Variants in NAV2 observed in about 807,000 individuals in gnomAD.
The protein encoded by NAV2 is neuron navigator 2, also known as helicase, APC down-regulated 1.
A neutral mutation model predicts 223.2 loss-of-function variants in NAV2; 54 were observed. The observed-to-expected ratio is 0.24, with a 90% CI of 0.19 to 0.30. NAV2 has a LOEUF of 0.30. Among genes scored for constraint, NAV2 ranks in the 10% least tolerant of loss-of-function variants. The pLI is 1.00. For missense variants in NAV2, 2,806 were observed against 3,147.5 expected (o/e 0.89, Z 2.60); for synonymous variants, 1,279 against 1,239.3 (o/e 1.03, Z -0.67).
At chr11:19,836,496 G>T (rs2060243964) in intron 2 of NAV2, among the ~76,000 whole-genome samples, 1 of 150,592 alleles carries the variant, frequency 6.6e-6, no homozygotes, top group Non-Finnish European at 1.5e-5. Flanking sequence ...AGCGGAGCTT[G>T]CAGTGAGCCG....
rs1244742949 is a variant in NAV2, at chr11:19,978,821, A to G, written c.2646-5304A>G. 4 of 152,170 alleles carry G rather than the reference A, an allele frequency of 2.6e-5. No homozygotes were observed. The East Asian group carries it at 7.7e-4, about 29-fold the overall frequency. The allele number at this position is 152,170 out of a possible 1,614,324, so 9.4% of individuals were successfully genotyped here. On this transcript the variant is annotated intron_variant, in intron 10 of 37. Transcript: ENST00000349880. ...TCAGTTTGTATTACTTATGCAGGCC[A>G]TGTTGAACTGTGAACTTTGGAAATG... is the stretch of plus-strand genomic sequence containing the variant.
chr11:19,880,756 C>T (rs1488958651), intron 5 of NAV2, among the ~76,000 whole-genome samples: 3 of 152,132 alleles, frequency 2.0e-5, no homozygotes, highest in Admixed American at 6.5e-5. Context: ...GCCAGTCATA[C>T]TCACCAGGTA....
chr11:19,952,095 G>A (rs965287942), intron 10 of NAV2, among the ~76,000 whole-genome samples: 1 of 152,196 alleles, frequency 6.6e-6, no homozygotes, highest in Non-Finnish European at 1.5e-5. Context: ...GTGTTTACAC[G>A]CAGAGTTCAG....
intron 1 of NAV2, among the ~76,000 whole-genome samples, chr11:19,602,512 T>C (rs1474681060): frequency 6.6e-6 from 1 of 152,142 alleles, no homozygotes; most frequent in Non-Finnish European, 1.5e-5. Context: ...GTATATTAGT[T>C]TCCTGGGGCT....
chr11:19,576,025 G>C (rs1163733279), intron 1 of NAV2, among the ~76,000 whole-genome samples: 1 of 152,164 alleles, frequency 6.6e-6, no homozygotes, highest in African/African-American at 2.4e-5. Flanking sequence ...GGAATCTGAG[G>C]CTCAAAGGAG....
intron 5 of NAV2, 51 bp from the exon 6 acceptor site, chr11:19,892,383 C>G: frequency 6.4e-7 from 1 of 1,571,840 alleles, no homozygotes; most frequent in Non-Finnish European, 8.7e-7. Context: ...TTCCTACACA[C>G]TGTTATTCTT....
intron 11 of NAV2, among the ~76,000 whole-genome samples, chr11:19,989,653 G>A (rs914243806): frequency 2.0e-5 from 3 of 152,104 alleles, no homozygotes; most frequent in African/African-American, 7.2e-5. Flanking sequence ...TTTCCTGATG[G>A]GTTGCTCTAT....
rs1555177101 is a variant in NAV2, at chr11:19,978,131, GT to G, written c.2646-5985del. Among the ~76,000 whole-genome samples the G allele has an allele frequency of 4.6e-3, 694 of 150,538 alleles. 2 individuals carry two copies. The highest frequency in any genetic ancestry group is 0.016 in the African/African-American group (646 of 41,076). ...TGAGCCACCACACCCAGCAAGGTCA[GT>G]TTTTTTTTCAAAAGGATGCAGGCAG... On this transcript the variant is annotated intron_variant, in intron 10 of 37. Coordinates refer to ENST00000349880, the MANE Select transcript of NAV2 (RefSeq NM_145117.5).
At chr11:20,058,232 G>A (rs772019854) in intron 19 of NAV2, among the ~76,000 whole-genome samples, 8 of 152,292 alleles carry the variant, frequency 5.3e-5, no homozygotes, top group Admixed American at 2.6e-4. Context: ...GTAATAATCA[G>A]TTAGGTGTAT....
chr11:19,378,703 G>A (rs1371141728), intron 1 of NAV2, among the ~76,000 whole-genome samples: 3 of 152,254 alleles, frequency 2.0e-5, no homozygotes, highest in African/African-American at 7.2e-5. Flanking sequence ...GTGTCAAGCT[G>A]AGGACAGGTT....
chr11:19,852,874 G>A (rs2061225318), intron 3 of NAV2, among the ~76,000 whole-genome samples: 1 of 152,192 alleles, frequency 6.6e-6, no homozygotes, highest in Non-Finnish European at 1.5e-5. Context: ...GGAGTGATGT[G>A]ACATATCAAA....
intron 1 of NAV2, among the ~76,000 whole-genome samples, chr11:19,392,857 C>T (rs757366922): frequency 1.3e-5 from 2 of 152,160 alleles, no homozygotes; most frequent in Non-Finnish European, 2.9e-5. Context: ...CAAGAGCAGC[C>T]TTAGGAAGTA....
intron 11 of NAV2, among the ~76,000 whole-genome samples, chr11:20,023,999 A>G (rs2054794801): frequency 6.6e-6 from 1 of 152,202 alleles, no homozygotes; most frequent in African/African-American, 2.4e-5. Flanking sequence ...TAACTTGATT[A>G]AGGTTACACA....
At position 19,933,586 on chromosome 11, in the gene NAV2, A is replaced by G. The variant is rs756421835; in HGVS notation, c.1342A>G (p.Met448Val). Residue 448 changes from methionine (M) to valine (V), a missense_variant, in exon 7 of 38, where the codon ATG (methionine) becomes GTG (valine). Physicochemically the swap from Met to Val is conservative, Grantham distance 21. Coordinates refer to ENST00000349880, the MANE Select transcript of NAV2 (RefSeq NM_145117.5). The surrounding 1 kb of genome is among the most constrained non-coding windows in gnomAD (Gnocchi z 4.3). ...ESEELEAASR[M>V]LTTVGPASSS... Reference sequence around the variant, plus strand: ...CGAGGAGCTGGAGGCCGCCAGTCGCATGCTCACCACCGTGGGCCCTGCTTC... The same window carrying G: ...CGAGGAGCTGGAGGCCGCCAGTCGCGTGCTCACCACCGTGGGCCCTGCTTC... 5.0e-6 allele frequency: 8 copies of G among 1,612,264 alleles called. No homozygotes were observed. In the South Asian group the frequency reaches 6.6e-5, roughly 13 times the overall value.
chr11:19,995,199 G>A (rs940947622), intron 11 of NAV2, among the ~76,000 whole-genome samples: 1 of 152,162 alleles, frequency 6.6e-6, no homozygotes, highest in Non-Finnish European at 1.5e-5. Context: ...TAAGGTCCTT[G>A]AGCTCCTGTA....
At position 19,566,031 on chromosome 11, in the gene NAV2, GATTTTATTTTATTTT is replaced by G. The variant is rs56221634; in HGVS notation, c.75+215040_75+215054del. Among the ~76,000 whole-genome samples the G allele has an allele frequency of 8.9e-4, 123 of 138,590 alleles. 1 individual carries two copies. In the East Asian group the frequency reaches 0.011, roughly 12 times the overall value. 90.9% of individuals were successfully genotyped at this position (138,590 alleles called of 152,430 possible). ...TGCAGCATGAAGAGCTATCCAAGGA[GATTTTATTTTATTTT>G]ATTTTATTTTATTTTATTTTATTTT... is the stretch of plus-strand genomic sequence containing the variant. On this transcript the variant is annotated intron_variant, in intron 1 of 37. Coordinates refer to the NAV2 transcript ENST00000360655.
At chr11:19,459,917 T>A (rs1852094804) in intron 1 of NAV2, among the ~76,000 whole-genome samples, 1 of 152,166 alleles carries the variant, frequency 6.6e-6, no homozygotes. Flanking sequence ...GGATTGCAAG[T>A]GGGGAGAAGA....
rs549144313 is a variant in NAV2, at chr11:19,405,403, T to C, written c.75+54376T>C. On this transcript the variant is annotated intron_variant, in intron 1 of 37. Coordinates refer to the NAV2 transcript ENST00000360655. ...CCTGGGTCTCTCGTCTTCCCCTTCA[T>C]GATAAATGATCCCTTCCTTTCTGTA... Among the ~76,000 whole-genome samples, 7 of 152,346 alleles carry C rather than the reference T, an allele frequency of 4.6e-5. No individual in the cohort carries two copies. In the East Asian group the frequency reaches 1.2e-3, roughly 25 times the overall value.
chr11:19,655,119 C>T (rs2048083256), intron 1 of NAV2, among the ~76,000 whole-genome samples: 2 of 152,202 alleles, frequency 1.3e-5, no homozygotes, highest in Non-Finnish European at 2.9e-5. Context: ...GACATTTATG[C>T]AGCCAAAAGA....
Sources: gnomAD v4.1 joint callset for allele counts (sites outside exome capture counted in the v4.1 genomes callset) on GRCh38, gnomAD v4.1.1 for gene constraint, Gnocchi (gnomAD v3.1) non-coding constraint, MANE v1.5 for transcripts, NCBI Gene and HGNC (gene_info 2026-07-23, HGNC 2026-07-21) for gene names.